LRRC7: variants seen among roughly 807,000 people sequenced by gnomAD.
LRRC7 encodes the protein leucine rich repeat containing 7.
Under a neutral mutation model 175.7 loss-of-function variants are expected in LRRC7, and 23 were observed. The observed-to-expected ratio is 0.13, with a 90% CI of 0.09 to 0.19. The LOEUF (loss-of-function observed/expected upper bound fraction) is 0.19, where lower values mean the gene tolerates loss of function less well. LRRC7 is among the 10% of genes least tolerant of loss of function. The pLI, the probability that LRRC7 is intolerant of heterozygous loss-of-function variation, is 1.00. For missense variants in LRRC7, 1,354 were observed against 1,904.7 expected, an observed-to-expected ratio of 0.71 and a Z score of 5.38; for synonymous variants, 685 against 680.9, an observed-to-expected ratio of 1.01 and a Z score of -0.09.
intron 7 of LRRC7, among the ~76,000 whole-genome samples, chr1:69,865,469 C>CTTTTTTTTTTTTTTTTTTTGTTT (rs1684824368): frequency 2.0e-5 from 1 of 51,262 alleles, no homozygotes; most frequent in African/African-American, 8.1e-5. Context: ...AAGACAGTTC[C>CTTTTTTTTTTTTTTTTTTTGTTT]TTTTTTTTTT....
intron 2 of LRRC7, among the ~76,000 whole-genome samples, chr1:69,720,310 T>C (rs1221291775): frequency 6.6e-6 from 1 of 151,574 alleles, no homozygotes; most frequent in Non-Finnish European, 1.5e-5. Context: ...CTCTAGAGAT[T>C]GCACATTCAT....
Position 70,018,823 on chromosome 1 carries a change from A to G in LRRC7, c.1420+5A>G. The G allele has an allele frequency of 1.9e-6, 3 of 1,601,796 alleles. No homozygotes were observed. The highest frequency in any genetic ancestry group is 2.6e-6 in the Non-Finnish European group (3 of 1,169,508). The stretch of plus-strand genomic sequence containing the variant: ...AGCAGCCTCGTGGTGATGAAGGTAA[A>G]TTGTCAGTAGAAATTTCTTCTCTAC... On this transcript the variant is annotated splice_donor_5th_base_variant and intron_variant, in intron 15 of 26. Transcript: ENST00000651989.
intron 1 of LRRC7, among the ~76,000 whole-genome samples, chr1:69,666,863 T>G (rs1290254687): frequency 1.3e-5 from 2 of 152,132 alleles, no homozygotes; most frequent in Non-Finnish European, 2.9e-5. Context: ...GAGTTTGGTT[T>G]GCTCTTGCTT....
Position 70,110,474 on chromosome 1 carries a change from G to GGAC in LRRC7, c.4620+2650_4620+2652dup, listed in dbSNP as rs1413110964. 2.6e-5 allele frequency among the ~76,000 whole-genome samples: 4 copies of GGAC among 152,146 alleles called. No homozygotes were observed. In the South Asian group the frequency reaches 8.3e-4, roughly 32 times the overall value. On this transcript the variant is annotated intron_variant, in intron 26 of 26. Transcript: ENST00000651989. ...TATGAAATTCTAGAATTATATGTGG[G>GGAC]GACGTGAGGGTTATGAGGGTTCAGT...
chr1:69,882,704 G>A (rs554413552), intron 7 of LRRC7, among the ~76,000 whole-genome samples: 43 of 150,392 alleles, frequency 2.9e-4, no homozygotes, highest in Middle Eastern at 3.4e-3. Context: ...ATGCTGGTGT[G>A]CTGCACCCAC....
At chr1:69,965,566 A>G (rs1291212704) in intron 8 of LRRC7, among the ~76,000 whole-genome samples, 2 of 152,120 alleles carry the variant, frequency 1.3e-5, no homozygotes, top group Non-Finnish European at 2.9e-5. Context: ...TTATTAAAAT[A>G]TAAAAAATTT....
intron 10 of LRRC7, among the ~76,000 whole-genome samples, chr1:69,989,216 G>T (rs1408193937): frequency 6.6e-6 from 1 of 152,032 alleles, no homozygotes; most frequent in Non-Finnish European, 1.5e-5. Context: ...TCCTGAAAAT[G>T]AAAAGGAAGA....
intron 1 of LRRC7, among the ~76,000 whole-genome samples, chr1:69,598,834 C>T (rs1197289264): frequency 6.6e-6 from 1 of 152,152 alleles, no homozygotes; most frequent in African/African-American, 2.4e-5. Context: ...ATCCAACATT[C>T]TACAGATTTC....
At chr1:69,581,742 G>C (rs1479760507) in intron 1 of LRRC7, among the ~76,000 whole-genome samples, 1 of 152,130 alleles carries the variant, frequency 6.6e-6, no homozygotes, top group Non-Finnish European at 1.5e-5. Context: ...ATGCATTAGA[G>C]TGACTCACCT....
intron 2 of LRRC7, among the ~76,000 whole-genome samples, chr1:69,711,629 G>A (rs573919525): frequency 2.0e-5 from 3 of 152,148 alleles, no homozygotes; most frequent in African/African-American, 2.4e-5. Context: ...TAATTGAAAT[G>A]TGAAGCTGGG....
At chr1:69,636,862 C>T (rs1653440809) in intron 1 of LRRC7, among the ~76,000 whole-genome samples, 1 of 151,936 alleles carries the variant, frequency 6.6e-6, no homozygotes, top group Admixed American at 6.6e-5. Flanking sequence ...TACTTGGAAA[C>T]TTATATTGAT....
chr1:70,093,185 T>C (rs1245321604), intron 25 of LRRC7, among the ~76,000 whole-genome samples: 1 of 152,158 alleles, frequency 6.6e-6, no homozygotes, highest in East Asian at 1.9e-4. Flanking sequence ...GAAACATTGC[T>C]GTCAAATTGT....
chr1:70,030,236 C>T (rs752864404), intron 18 of LRRC7, among the ~76,000 whole-genome samples: 6 of 152,148 alleles, frequency 3.9e-5, no homozygotes, highest in Non-Finnish European at 8.8e-5. Flanking sequence ...TCCTTAAAAA[C>T]ACTACAGTGA....
At chr1:70,089,928 G>A in intron 25 of LRRC7, 109 bp downstream of exon 25, 8 of 744,908 alleles carry the variant, frequency 1.1e-5, no homozygotes, top group South Asian at 8.6e-5. Flanking sequence ...TCATGAGCTA[G>A]TTAGTAACTC....
At chr1:69,704,338 C>A (rs1431687286) in intron 2 of LRRC7, among the ~76,000 whole-genome samples, 1 of 151,906 alleles carries the variant, frequency 6.6e-6, no homozygotes, top group Non-Finnish European at 1.5e-5. Flanking sequence ...CAGTTACCGA[C>A]CCCATGATAT....
chr1:69,970,403 G>A lies in LRRC7; in HGVS notation c.712-9976G>A, dbSNP rs544190585. On this transcript the variant is annotated intron_variant, in intron 8 of 26. Transcript: ENST00000651989. ...CTGGCAAGATTAACCAAGAAAAGGA[G>A]AGAGAAAATCCAAATAAGCTCAATT... 2.8e-4 allele frequency among the ~76,000 whole-genome samples: 42 copies of A among 152,186 alleles called. 1 individual carries two copies. In the South Asian group the frequency reaches 5.2e-3, roughly 19 times the overall value.
intron 1 of LRRC7, among the ~76,000 whole-genome samples, chr1:69,662,429 T>C (rs763882942): frequency 1.3e-5 from 2 of 152,230 alleles, no homozygotes; most frequent in African/African-American, 4.8e-5. Flanking sequence ...TTTTCCTAAA[T>C]GCGTGACATG....
chr1:69,721,839 A>G (rs1023998380), intron 2 of LRRC7, among the ~76,000 whole-genome samples: 1 of 152,036 alleles, frequency 6.6e-6, no homozygotes, highest in East Asian at 1.9e-4. Context: ...ATTATTTTTA[A>G]AAGTATTTTA....
chr1:69,923,518 T>C (rs531523795), intron 7 of LRRC7, among the ~76,000 whole-genome samples: 2 of 152,188 alleles, frequency 1.3e-5, no homozygotes, highest in Non-Finnish European at 2.9e-5. Flanking sequence ...TTCTAACTGG[T>C]GTGAGATGGT....
Sources: gnomAD v4.1 joint callset for allele counts (sites outside exome capture counted in the v4.1 genomes callset) on GRCh38, gnomAD v4.1.1 for gene constraint, MANE v1.5 for transcripts, NCBI Gene and HGNC (gene_info 2026-07-23, HGNC 2026-07-21) for gene names.